The following CASZ1 variants were observed in gnomAD, a reference collection of about 807,000 sequenced individuals.
CASZ1 encodes zinc finger protein castor homolog 1.
CASZ1 carries 28 observed loss-of-function variants against 135.2 expected under a neutral mutation model. The ratio of observed to expected loss-of-function variants is 0.21; its 90% CI spans 0.15 to 0.28. CASZ1 has a LOEUF of 0.28. Ranked by LOEUF, CASZ1 falls within the 10% of genes least tolerant of loss-of-function variation. The pLI, the probability that CASZ1 is intolerant of heterozygous loss-of-function variation, is 1.00. For synonymous variants in CASZ1, 1,068 were observed against 1,073.4 expected, an observed-to-expected ratio of 0.99 and a Z score of 0.10; for missense variants, 2,161 against 2,453.3, an observed-to-expected ratio of 0.88 and a Z score of 2.52.
chr1:10,652,031 C>T (rs777793640), intron 11 of CASZ1: 1 of 152,310 alleles, frequency 6.6e-6, no homozygotes, highest in Non-Finnish European at 1.5e-5. Context: ...GCGGTCCCTC[C>T]ACGCGGCCAC....
chr1:10,687,427 C>G (rs985509327), intron 4 of CASZ1, among the ~76,000 whole-genome samples: 15 of 152,230 alleles, frequency 9.9e-5, no homozygotes, highest in Admixed American at 5.9e-4. Context: ...AGAGGAGACC[C>G]CAGAGTCAGG....
chr1:10,640,307 G>A (rs1379411041), intron 20 of CASZ1, among the ~76,000 whole-genome samples: 2 of 152,366 alleles, frequency 1.3e-5, no homozygotes, highest in Non-Finnish European at 1.5e-5. Context: ...CCCCCGGGGG[G>A]TGGCAGCCCA....
chr1:10,708,820 A>C (rs988559552), intron 2 of CASZ1, among the ~76,000 whole-genome samples: 4 of 151,334 alleles, frequency 2.6e-5, no homozygotes, highest in Admixed American at 2.0e-4. Flanking sequence ...GGAAGAGGGA[A>C]GGTGGGCTGG....
intron 13 of CASZ1, 58 bp from the exon 14 acceptor site, chr1:10,649,495 G>A (rs1642489510): frequency 5.9e-6 from 9 of 1,531,998 alleles, no homozygotes; most frequent in Non-Finnish European, 7.1e-6. Flanking sequence ...AGACACGGCA[G>A]CCTGGGGAGC....
intron 2 of CASZ1, among the ~76,000 whole-genome samples, chr1:10,737,729 A>C (rs1272115175): frequency 6.6e-6 from 1 of 152,108 alleles, no homozygotes; most frequent in Non-Finnish European, 1.5e-5. Context: ...CGGGCCTCCC[A>C]CTCACCAAGG....
At chr1:10,716,101 C>G (rs1276789363) in intron 2 of CASZ1, among the ~76,000 whole-genome samples, 2 of 145,976 alleles carry the variant, frequency 1.4e-5, no homozygotes, top group Non-Finnish European at 3.0e-5. Context: ...CAATCCACAC[C>G]CACAGCACCC....
At position 10,727,439 on chromosome 1, in the gene CASZ1, C is replaced by G. The variant is rs1485997195; in HGVS notation, c.-76-21895G>C. Among the ~76,000 whole-genome samples the G allele has an allele frequency of 2.0e-5, 3 of 151,928 alleles. No individual in the cohort carries two copies. The highest frequency in any genetic ancestry group is 4.4e-5 in the Non-Finnish European group (3 of 67,944). ...AGCCTCCCAGAAGCTCACAAACACC[C>G]CAGCTCCTTGAACCCCCGGGCCCAG... On this transcript the variant is annotated intron_variant, in intron 2 of 20. Coordinates refer to ENST00000377022, the MANE Select transcript of CASZ1 (RefSeq NM_001079843.3). This position sits in a 1 kb window ranked among gnomAD's most constrained non-coding sequence, Gnocchi z 5.3.
At chr1:10,751,839 G>C (rs189971) in intron 2 of CASZ1, among the ~76,000 whole-genome samples, 3 of 151,110 alleles carry the variant, frequency 2.0e-5, no homozygotes, top group Admixed American at 6.5e-5. Context: ...CTAGAGAACA[G>C]AGCCAGAGCA....
chr1:10,661,564 A>T (rs1643027430), intron 5 of CASZ1, among the ~76,000 whole-genome samples: 1 of 151,694 alleles, frequency 6.6e-6, no homozygotes, highest in Admixed American at 6.6e-5. Flanking sequence ...CACATACAAC[A>T]CACACATGCA....
chr1:10,659,722 C>G lies in CASZ1; in HGVS notation c.1320G>C (p.Thr440=), dbSNP rs775038904. 1 of 1,613,852 alleles carries G rather than the reference C, an allele frequency of 6.2e-7. No individual in the cohort carries two copies. Among genetic ancestry groups the G allele is most frequent in the East Asian group, 2.2e-5 (1 of 44,868 alleles). The change falls in exon 6 of 21, where the codon ACG becomes ACC. Residue 440 remains threonine (T), a synonymous_variant. Transcript: ENST00000377022. ...CTTACTTGACAGTGGAGACGGTCCC[C>G]GTGGTGATGGAGTCTGTTTTGGAGA... ...STFSKTDSIT[T]GTVSTVKNGL...
intron 3 of CASZ1, among the ~76,000 whole-genome samples, chr1:10,696,611 G>A (rs758185305): frequency 3.3e-5 from 5 of 152,370 alleles, no homozygotes; most frequent in Admixed American, 6.5e-5. Context: ...GTGACAGCAG[G>A]TGATCAATCC....
In CASZ1 at chr1:10,756,109, G is replaced by C. The variant is rs894441583; in HGVS notation, c.-77+4592C>G. ...GCAGACACGCCCAGGAAGACTGGCT[G>C]ACACGCCCCTCGGAGCCAGGCAGAG... On this transcript the variant is annotated intron_variant, in intron 2 of 20. Transcript: ENST00000377022. The surrounding 1 kb of genome is among the most constrained non-coding windows in gnomAD (Gnocchi z 5.9). 3.3e-5 allele frequency among the ~76,000 whole-genome samples: 5 copies of C among 152,042 alleles called. No individual in the cohort carries two copies. Among genetic ancestry groups the C allele is most frequent in the Non-Finnish European group, 5.9e-5 (4 of 68,000 alleles).
rs145959632 is a variant in CASZ1 at position 10,700,467 on chromosome 1, C to T, written c.-24+5025G>A. 1.7e-3 allele frequency among the ~76,000 whole-genome samples: 260 copies of T among 152,292 alleles called. 1 individual carries two copies. Among genetic ancestry groups the T allele is most frequent in the Non-Finnish European group, 2.9e-3 (200 of 68,020 alleles). On this transcript the variant is annotated intron_variant, in intron 3 of 20. Coordinates refer to ENST00000377022, the MANE Select transcript of CASZ1 (RefSeq NM_001079843.3). The surrounding 1 kb of genome is among the most constrained non-coding windows in gnomAD (Gnocchi z 4.2). ...TGCCAGCGTACTTGGGGAGAAGACA[C>T]GTGTGCTGCTGCCTGAGTCTAGGTG...
At chr1:10,644,870 C>A in intron 18 of CASZ1, 47 bp downstream of exon 18, 2 of 1,577,548 alleles carry the variant, frequency 1.3e-6, no homozygotes, top group South Asian at 1.2e-5. Flanking sequence ...GGGCCATGGT[C>A]TTGATGCCTG....
chr1:10,648,029 G>C lies in CASZ1; in HGVS notation c.3269C>G (p.Pro1090Arg). 3 of 1,599,770 alleles carry C rather than the reference G, an allele frequency of 1.9e-6. No homozygotes were observed. Among genetic ancestry groups the C allele is most frequent in the Non-Finnish European group, 2.6e-6 (3 of 1,172,764 alleles). The change falls in exon 16 of 21, where the codon CCT becomes CGT. Residue 1090 changes from proline (P) to arginine (R), a missense_variant. Physicochemically the swap from Pro to Arg is moderately radical, Grantham distance 103 (BLOSUM62 -2). Around this residue, in one of 7 missense-constraint regions of CASZ1, gnomAD observed 349 missense variants for 460.8 expected, o/e 0.76. Coordinates refer to ENST00000377022, the MANE Select transcript of CASZ1 (RefSeq NM_001079843.3). The part of the protein sequence containing the change: ...PPMAPSSPPV[P>R]PVTTATVSSL... The stretch of plus-strand genomic sequence containing the variant: ...GGACACCGTGGCCGTGGTGACAGGA[G>C]GGACCGGAGGGGACGAGGGGGCCAT...
Position 10,694,125 on chromosome 1 carries a change from GT to G in CASZ1, c.-23-214del, listed in dbSNP as rs1437049744. Among the ~76,000 whole-genome samples, 1 of 151,220 alleles carries G rather than the reference GT, an allele frequency of 6.6e-6. No homozygotes were observed. The highest frequency in any genetic ancestry group is 2.0e-4 in the East Asian group (1 of 5,100). ...GCGCCCGCGGGTCCGCGCCGCCTGAGTTTCTCCAACTAAGGCAGCAACTCTC... is the reference window on the plus strand; with the variant it reads ...GCGCCCGCGGGTCCGCGCCGCCTGAGTTCTCCAACTAAGGCAGCAACTCTC... On this transcript the variant is annotated intron_variant, in intron 3 of 20. Transcript: ENST00000377022. This position sits in a 1 kb window ranked among gnomAD's most constrained non-coding sequence, Gnocchi z 6.6.
Position 10,720,722 on chromosome 1 carries a change from C to T in CASZ1, c.-76-15178G>A, listed in dbSNP as rs191768454. Among the ~76,000 whole-genome samples the T allele has an allele frequency of 2.7e-3, 417 of 152,226 alleles. 2 individuals carry two copies. Among genetic ancestry groups the T allele is most frequent in the African/African-American group, 9.3e-3 (388 of 41,528 alleles). On this transcript the variant is annotated intron_variant, in intron 2 of 20. Coordinates refer to ENST00000377022, the MANE Select transcript of CASZ1 (RefSeq NM_001079843.3). The surrounding 1 kb of genome is among the most constrained non-coding windows in gnomAD (Gnocchi z 5.7). ...ACTTTCCATCTGGGGAGAGGGAGGA[C>T]GGCTGGCAAAGAATGAGAAGGGCGT...
At position 10,796,605 on chromosome 1, in the gene CASZ1, G is replaced by A. The variant is rs542500355; in HGVS notation, c.-275C>T. 6.6e-6 allele frequency: 1 copy of A among 152,294 alleles called. No individual in the cohort carries two copies. The highest frequency in any genetic ancestry group is 1.5e-5 in the Non-Finnish European group (1 of 68,066). The allele number at this position is 152,294 out of a possible 1,614,324, so 9.4% of individuals were successfully genotyped here. On this transcript the variant is annotated 5_prime_UTR_variant, in exon 1 of 21. Transcript: ENST00000377022. ...TTTGGGTGACTTTCCAAGTCCGGGGGAAAAATGTGTGTGTGTTTGGGATGG... is the reference window on the plus strand; with the variant it reads ...TTTGGGTGACTTTCCAAGTCCGGGGAAAAAATGTGTGTGTGTTTGGGATGG...
Position 10,647,284 on chromosome 1 carries a change from C to T in CASZ1, c.3497+517G>A, listed in dbSNP as rs1025824203. 2.0e-6 allele frequency: 2 copies of T among 999,378 alleles called. No individual in the cohort carries two copies. The highest frequency in any genetic ancestry group is 2.4e-6 in the Non-Finnish European group (2 of 837,404). 61.9% of individuals were successfully genotyped at this position (999,378 alleles called of 1,614,324 possible). A position where few individuals can be genotyped will look rare whatever the true frequency, so the allele number is the denominator to read the frequency against. ...CATGACAATACAAAGTCACCGTTCT[C>T]CCTGCAAGGAGCCACCACCATCCAG... On this transcript the variant is annotated intron_variant, in intron 16 of 20. Transcript: ENST00000377022. This position sits in a 1 kb window ranked among gnomAD's most constrained non-coding sequence, Gnocchi z 4.9.
Sources: gnomAD v4.1 joint callset for allele counts (sites outside exome capture counted in the v4.1 genomes callset) on GRCh38, gnomAD v4.1.1 for gene constraint, gnomAD v4.1.1 regional missense constraint, Gnocchi (gnomAD v3.1) non-coding constraint, MANE v1.5 for transcripts, NCBI Gene and HGNC (gene_info 2026-07-23, HGNC 2026-07-21) for gene names.